The following SIAH1 variants were observed in gnomAD, a reference collection of about 807,000 sequenced individuals.
SIAH1 encodes the protein E3 ubiquitin-protein ligase SIAH1.
In SIAH1, 2 loss-of-function variants were observed where a neutral mutation model predicts 20.0. The ratio of observed to expected loss-of-function variants is 0.10; its 90% CI spans 0.04 to 0.31. The LOEUF (loss-of-function observed/expected upper bound fraction) is 0.31. Ranked by LOEUF, SIAH1 falls within the 10% of genes least tolerant of loss-of-function variation. SIAH1 has a pLI of 1.00. For missense variants in SIAH1, 119 were observed against 355.3 expected (o/e 0.33, Z 5.35); for synonymous variants, 118 against 125.3 (o/e 0.94, Z 0.39).
intron 1 of SIAH1, chr16:48,365,923 C>CG (rs1960818974): frequency 8.2e-7 from 1 of 1,221,608 alleles, no homozygotes; most frequent in South Asian, 4.2e-5. Flanking sequence ...TTTGGAGCCT[C>CG]GGCCGGGGCT....
intron 1 of SIAH1, chr16:48,365,213 TA>T: frequency 1.5e-6 from 1 of 657,962 alleles, no homozygotes; most frequent in Non-Finnish European, 2.5e-6. Context: ...AGTCATGACG[TA>T]ACCTGAAGTT....
intron 1 of SIAH1, among the ~76,000 whole-genome samples, chr16:48,370,839 T>C (rs1036672950): frequency 1.3e-4 from 20 of 149,302 alleles, no homozygotes; most frequent in African/African-American, 4.7e-4. Context: ...AGGACAGGCA[T>C]GGTGACTCAC....
Position 48,385,394 on chromosome 16 carries a change from C to CCGCCGT in SIAH1, c.-199_-194dup, listed in dbSNP as rs1180689662. 1.3e-5 allele frequency: 2 copies of CCGCCGT among 155,480 alleles called. No individual in the cohort carries two copies. Among genetic ancestry groups the CCGCCGT allele is most frequent in the Non-Finnish European group, 2.8e-5 (2 of 71,530 alleles). 9.6% of individuals were successfully genotyped at this position (155,480 alleles called of 1,614,324 possible). On this transcript the variant is annotated 5_prime_UTR_variant, in exon 1 of 2. Transcript: ENST00000394725. ...GGCTCCCCCCTGGCCGCCGCCGCCG[C>CCGCCGT]CGCCGTTTCGCGCGTCCTCGAGCCC...
At chr16:48,384,910 T>TC (rs1204884428) in intron 1 of SIAH1, among the ~76,000 whole-genome samples, 1 of 140,900 alleles carries the variant, frequency 7.1e-6, no homozygotes. Flanking sequence ...CCGAGGCCCT[T>TC]CCCCCGCCCT....
intron 1 of SIAH1, among the ~76,000 whole-genome samples, chr16:48,381,344 A>G (rs541368434): frequency 2.0e-5 from 3 of 152,328 alleles, no homozygotes; most frequent in East Asian, 3.9e-4. Context: ...GACTGTCTCA[A>G]AAAAACAGCA....
At chr16:48,376,514 C>T (rs1317850092) in intron 1 of SIAH1, among the ~76,000 whole-genome samples, 1 of 151,948 alleles carries the variant, frequency 6.6e-6, no homozygotes, top group East Asian at 1.9e-4. Flanking sequence ...TTTCTTGAGA[C>T]AGAGTCTCGC....
At chr16:48,379,248 G>A (rs1185526305) in intron 1 of SIAH1, among the ~76,000 whole-genome samples, 6 of 152,018 alleles carry the variant, frequency 3.9e-5, no homozygotes, top group Non-Finnish European at 5.9e-5. Flanking sequence ...CTGGGGGGGC[G>A]AGGGGAAGGC....
At chr16:48,379,071 T>G (rs971598748) in intron 1 of SIAH1, among the ~76,000 whole-genome samples, 1 of 152,232 alleles carries the variant, frequency 6.6e-6, no homozygotes, top group Non-Finnish European at 1.5e-5. Flanking sequence ...TGTTAGGCAA[T>G]GTGCTTTTAG....
At chr16:48,383,727 T>C (rs1307674815) in intron 1 of SIAH1, among the ~76,000 whole-genome samples, 1 of 152,158 alleles carries the variant, frequency 6.6e-6, no homozygotes, top group African/African-American at 2.4e-5. Context: ...TCTCAGAAAG[T>C]CTGTTAATTT....
chr16:48,375,723 G>GA (rs1049522300), intron 1 of SIAH1, among the ~76,000 whole-genome samples: 1 of 151,958 alleles, frequency 6.6e-6, no homozygotes, highest in Non-Finnish European at 1.5e-5. Flanking sequence ...TAGGTTAAAA[G>GA]AAAAAAATAG....
At chr16:48,364,136 G>C (rs1252899458) in intron 1 of SIAH1, among the ~76,000 whole-genome samples, 1 of 151,828 alleles carries the variant, frequency 6.6e-6, no homozygotes, top group African/African-American at 2.4e-5. Flanking sequence ...TTTTAGTAGA[G>C]ACGGGGTTTC....
At chr16:48,378,421 C>T (rs60760669) in intron 1 of SIAH1, among the ~76,000 whole-genome samples, 5 of 151,988 alleles carry the variant, frequency 3.3e-5, no homozygotes, top group African/African-American at 1.2e-4. Flanking sequence ...ATATAAGGCA[C>T]AAAATTAGGC....
In SIAH1 at chr16:48,362,584, AAAT is replaced by A; in HGVS notation, c.-2-157_-2-155del. The A allele has an allele frequency of 1.4e-6, 1 of 736,700 alleles. No individual in the cohort carries two copies. 45.6% of individuals were successfully genotyped at this position (736,700 alleles called of 1,614,324 possible). A position where few individuals can be genotyped will look rare whatever the true frequency, so the allele number is the denominator to read the frequency against. On this transcript the variant is annotated intron_variant, in intron 1 of 1. Transcript: ENST00000394725. This position sits in a 1 kb window ranked among gnomAD's most constrained non-coding sequence, Gnocchi z 4.2. ...AATAGGATTAAAAAAGATATTAAAA[AAAT>A]AAAATTACACTGAATGTGCACTTTA...
chr16:48,367,205 A>AT (rs1385355741), intron 1 of SIAH1, among the ~76,000 whole-genome samples: 3 of 152,186 alleles, frequency 2.0e-5, no homozygotes, highest in East Asian at 1.9e-4. Flanking sequence ...ATTTTCTAAT[A>AT]TTTTTTCATT....
intron 1 of SIAH1, chr16:48,364,839 C>T (rs1205210741): frequency 6.6e-6 from 1 of 152,470 alleles, no homozygotes; most frequent in Non-Finnish European, 1.5e-5. Flanking sequence ...CAAAGAATCA[C>T]ATCCAAGGGC....
intron 1 of SIAH1, chr16:48,365,512 A>T (rs762840615): frequency 1.3e-5 from 21 of 1,603,590 alleles, no homozygotes; most frequent in Admixed American, 5.1e-5. Flanking sequence ...TTCCCCCAAG[A>T]AGTAAAGGAA....
rs903832532 is a variant in SIAH1, at chr16:48,362,691, T to C, written c.-2-261A>G. The C allele has an allele frequency of 2.7e-6, 1 of 376,326 alleles. No individual in the cohort carries two copies. The highest frequency in any genetic ancestry group is 3.3e-5 in the South Asian group (1 of 30,444). The allele number at this position is 376,326 out of a possible 1,614,324, so 23.3% of individuals were successfully genotyped here. ...TGGAACTCCCTTAATCGTCTTTGGA[T>C]AGACTACATAGAATAATAAATGCTA... On this transcript the variant is annotated intron_variant, in intron 1 of 1. Transcript: ENST00000394725. This position sits in a 1 kb window ranked among gnomAD's most constrained non-coding sequence, Gnocchi z 4.2.
intron 1 of SIAH1, among the ~76,000 whole-genome samples, chr16:48,374,095 G>A (rs191875228): frequency 6.6e-5 from 10 of 152,092 alleles, no homozygotes; most frequent in Admixed American, 5.9e-4. Context: ...CCCATCTCAC[G>A]CCTCCTACTC....
intron 1 of SIAH1, among the ~76,000 whole-genome samples, chr16:48,384,732 G>A (rs1273709343): frequency 6.6e-6 from 1 of 151,516 alleles, no homozygotes; most frequent in Admixed American, 6.6e-5. Flanking sequence ...GGGGAGGAGG[G>A]GGAGGGAGGG....
Sources: gnomAD v4.1 joint callset for allele counts (sites outside exome capture counted in the v4.1 genomes callset) on GRCh38, gnomAD v4.1.1 for gene constraint, Gnocchi (gnomAD v3.1) non-coding constraint, MANE v1.5 for transcripts, NCBI Gene and HGNC (gene_info 2026-07-23, HGNC 2026-07-21) for gene names.